The following FGG variants were observed in gnomAD, a reference collection of about 807,000 sequenced individuals.
FGG encodes fibrinogen gamma chain, also known as fibrinogen, gamma polypeptide.
In FGG, 20 loss-of-function variants were observed where a neutral mutation model predicts 51.7. That is an observed-to-expected ratio of 0.39 (90% confidence interval 0.27 to 0.56). The LOEUF (loss-of-function observed/expected upper bound fraction) is 0.56, where lower values mean the gene tolerates loss of function less well. Among genes scored for constraint, FGG ranks in the 20% least tolerant of loss-of-function variants. The pLI, the probability that FGG is intolerant of heterozygous loss-of-function variation, is 0.64. For synonymous variants in FGG, 184 were observed against 184.7 expected, an observed-to-expected ratio of 1.00 and a Z score of 0.03; for missense variants, 460 against 534.2, an observed-to-expected ratio of 0.86 and a Z score of 1.37.
Position 154,610,167 on chromosome 4 carries a change from A to T in FGG, c.432T>A (p.Asn144Lys), listed in dbSNP as rs754844752. 9 of 1,590,298 alleles carry T rather than the reference A, an allele frequency of 5.7e-6. No homozygotes were observed. The South Asian group carries it at 8.8e-5, about 16-fold the overall frequency. ...RYLQEIYNSN[N>K]QKIVNLKEKV... ...TCTCTTTCAGGTTAACAATCTTTTG[A>T]TTATTTGAATTATATATTTCCTGCA... Residue 144 changes from asparagine to lysine, a missense_variant, in exon 5 of 9, where the codon AAT (asparagine) becomes AAA (lysine). By Grantham distance (94) the Asn-to-Lys change is moderately conservative (BLOSUM62 0). Around this residue, in one of 3 missense-constraint regions of FGG, gnomAD observed 353 missense variants for 391.7 expected, o/e 0.90. Transcript: ENST00000336098.
chr4:154,609,287 C>T (rs538733715), intron 6 of FGG, among the ~76,000 whole-genome samples: 4 of 152,176 alleles, frequency 2.6e-5, no homozygotes, highest in African/African-American at 9.6e-5. Context: ...AAAAGAGTTT[C>T]CTTCTTTTTA....
rs1049637 is a variant in FGG at position 154,604,621 on chromosome 4, G to A, written c.*213C>T. The A allele has an allele frequency of 8.3e-4, 1,071 of 1,294,976 alleles. 7 individuals are homozygous for A. In the African/African-American group the frequency reaches 0.014, roughly 16 times the overall value. 80.2% of individuals were successfully genotyped at this position (1,294,976 alleles called of 1,614,324 possible). A position where few individuals can be genotyped will look rare whatever the true frequency, so the allele number is the denominator to read the frequency against. ...TTATTATTATATATTTAGGAACAAA[G>A]TTGAAATGTTATCTCCTCAAATAAA... is the stretch of plus-strand genomic sequence containing the variant. On this transcript the variant is annotated 3_prime_UTR_variant, in exon 9 of 9. Coordinates refer to ENST00000336098, the MANE Select transcript of FGG (RefSeq NM_021870.3).
Position 154,609,734 on chromosome 4 carries a change from T to C in FGG, c.562A>G (p.Lys188Glu). 1.2e-6 allele frequency: 2 copies of C among 1,614,024 alleles called. No homozygotes were observed. The highest frequency in any genetic ancestry group is 1.6e-4 in the Middle Eastern group (1 of 6,062). Reference protein sequence around the residue: ...DCQDIANKGAKQSGLYFIKPL... With the variant: ...DCQDIANKGAEQSGLYFIKPL... ...TTAATAAAGTAAAGCCCGCTCTGTT[T>C]AGCTCCCTTATTGGCAATGTCTTGA... is the stretch of plus-strand genomic sequence containing the variant. The change falls in exon 6 of 9, where the codon AAA becomes GAA. Residue 188 changes from lysine to glutamate, a missense_variant. Around this residue, in one of 3 missense-constraint regions of FGG, gnomAD observed 353 missense variants for 391.7 expected, o/e 0.90. Coordinates refer to ENST00000336098, the MANE Select transcript of FGG (RefSeq NM_021870.3).
At position 154,604,957 on chromosome 4, in the gene FGG, G is replaced by C. The variant is rs1731070776; in HGVS notation, c.1239C>G (p.Ile413Met). The change falls in exon 9 of 9, where the codon ATC (isoleucine) becomes ATG (methionine). Residue 413 changes from isoleucine to methionine, a missense_variant. By Grantham distance (10) the Ile-to-Met change is conservative (BLOSUM62 1). This residue lies in a region of FGG where 92 missense variants were observed against 93.7 expected (regional missense o/e 0.98). Coordinates refer to ENST00000336098, the MANE Select transcript of FGG (RefSeq NM_021870.3). ...CTCCAATTGTGAGTCTGTTGAATGG[G>C]ATTATCTTCATAGTGGTTTTCTTCA... ...YSMKKTTMKI[I>M]PFNRLTIGEG... 2 of 1,614,054 alleles carry C rather than the reference G, an allele frequency of 1.2e-6. No homozygotes were observed. Among genetic ancestry groups the C allele is most frequent in the Middle Eastern group, 1.7e-4 (1 of 6,060 alleles).
intron 8 of FGG, 71 bp from the exon 9 acceptor site, chr4:154,605,137 G>A (rs1006324489): frequency 2.6e-6 from 4 of 1,543,674 alleles, no homozygotes; most frequent in African/African-American, 1.4e-5. Context: ...ATGAAGAGCT[G>A]TCTATTACGA....
In FGG at chr4:154,604,671, A is replaced by C. The variant is rs969408626; in HGVS notation, c.*163T>G. On this transcript the variant is annotated 3_prime_UTR_variant, in exon 9 of 9. Coordinates refer to ENST00000336098, the MANE Select transcript of FGG (RefSeq NM_021870.3). ...ACAATTTTTAAATAACTCTGATATC[A>C]GTAATTTGGAAATACAGTCCTAAAT... 2.8e-6 allele frequency: 4 copies of C among 1,421,918 alleles called. No homozygotes were observed. Among genetic ancestry groups the C allele is most frequent in the Non-Finnish European group, 3.7e-6 (4 of 1,087,964 alleles). The allele number at this position is 1,421,918 out of a possible 1,614,324, so 88.1% of individuals were successfully genotyped here.
In FGG at chr4:154,608,477, A is replaced by G; in HGVS notation, c.840T>C (p.Asn280=). The change falls in exon 7 of 9, where the codon AAT becomes AAC. Residue 280 remains asparagine, a synonymous_variant. Coordinates refer to ENST00000336098, the MANE Select transcript of FGG (RefSeq NM_021870.3). The part of the protein sequence containing the change: ...YALRVELEDW[N]GRTSTADYAM... ...TTTCAAAACAGTACCTGGTTCTGCC[A>G]TTCCAGTCTTCCAGTTCCACTCTTA... is the stretch of plus-strand genomic sequence containing the variant. 6.2e-7 allele frequency: 1 copy of G among 1,613,494 alleles called. No homozygotes were observed.
Position 154,609,661 on chromosome 4 carries a change from C to G in FGG, c.635G>C (p.Gly212Ala). ...QQFLVYCEID[G>A]SGNGWTVFQK... Reference sequence around the variant, plus strand: ...AAACACAGTCCATCCATTTCCAGACCCATCGATTTCACAGTAGACTAAGAA... The same window carrying G: ...AAACACAGTCCATCCATTTCCAGACGCATCGATTTCACAGTAGACTAAGAA... The change falls in exon 6 of 9, where the codon GGG (glycine) becomes GCG (alanine). Residue 212 changes from glycine to alanine, a missense_variant. Coordinates refer to ENST00000336098, the MANE Select transcript of FGG (RefSeq NM_021870.3). 1.2e-6 allele frequency: 2 copies of G among 1,613,924 alleles called. No individual in the cohort carries two copies. Among genetic ancestry groups the G allele is most frequent in the African/African-American group, 1.3e-5 (1 of 75,016 alleles).
rs1441953881 is a variant in FGG at position 154,608,407 on chromosome 4, A to G, written c.851+59T>C. ...TTGCCATTGTCTATTGATAGTTGGA[A>G]AGTGCACATTCCAGGCAATCTTTAC... On this transcript the variant is annotated intron_variant, in intron 7 of 8. Coordinates refer to ENST00000336098, the MANE Select transcript of FGG (RefSeq NM_021870.3). The G allele has an allele frequency of 4.6e-6, 7 of 1,520,560 alleles. No homozygotes were observed. In the African/African-American group the frequency reaches 8.2e-5, roughly 18 times the overall value. The allele number at this position is 1,520,560 out of a possible 1,614,324, so 94.2% of individuals were successfully genotyped here. A position where few individuals can be genotyped will look rare whatever the true frequency, so the allele number is the denominator to read the frequency against.
chr4:154,605,827 C>T (rs1183557065), intron 8 of FGG, among the ~76,000 whole-genome samples: 2 of 152,022 alleles, frequency 1.3e-5, no homozygotes, highest in African/African-American at 2.4e-5. Context: ...TAAGGTTGCT[C>T]ATCTTGGTAG....
At chr4:154,606,616 ATTCT>A in intron 8 of FGG, 85 bp downstream of exon 8, 1 of 1,359,738 alleles carries the variant, frequency 7.4e-7, no homozygotes, top group Admixed American at 2.0e-5. Flanking sequence ...TTTATAAATT[ATTCT>A]TCATTTCTTC....
At chr4:154,609,395 C>T (rs2066871) in intron 6 of FGG, among the ~76,000 whole-genome samples, 73 of 152,192 alleles carry the variant, frequency 4.8e-4, no homozygotes, top group African/African-American at 1.7e-3. Context: ...AACTATACTG[C>T]CTAGGTTCAA....
Position 154,604,327 on chromosome 4 carries a change from T to C in FGG, c.*507A>G, listed in dbSNP as rs1731055787. The C allele has an allele frequency of 1.3e-6, 2 of 1,515,836 alleles. No individual in the cohort carries two copies. Among genetic ancestry groups the C allele is most frequent in the Non-Finnish European group, 1.8e-6 (2 of 1,133,044 alleles). 93.9% of individuals were successfully genotyped at this position (1,515,836 alleles called of 1,614,324 possible). On this transcript the variant is annotated 3_prime_UTR_variant, in exon 9 of 9. Transcript: ENST00000336098. ...AGTCCTTTAAAAAAGTAAATCTCTT[T>C]TGAAACGGTCTTTTAAACGTCTCCA... is the stretch of plus-strand genomic sequence containing the variant.
chr4:154,611,587 T>C, intron 4 of FGG: 3 of 440,810 alleles, frequency 6.8e-6, no homozygotes, highest in Non-Finnish European at 1.2e-5. Flanking sequence ...ATCTAGAACA[T>C]CTTTCTTCAA....
intron 5 of FGG, 26 bp downstream of exon 5, chr4:154,610,041 A>C: frequency 6.2e-7 from 1 of 1,613,504 alleles, no homozygotes; most frequent in Non-Finnish European, 8.5e-7. Context: ...GATGAACCTA[A>C]TCCCAATATA....
Position 154,604,643 on chromosome 4 carries a change from TA to T in FGG, c.*190del. ...AAAGTTGAAATGTTATCTCCTCAAA[TA>T]AACAATTTTTAAATAACTCTGATAT... On this transcript the variant is annotated 3_prime_UTR_variant, in exon 9 of 9. Transcript: ENST00000336098. The T allele has an allele frequency of 5.9e-6, 8 of 1,366,994 alleles. No individual in the cohort carries two copies. The highest frequency in any genetic ancestry group is 5.7e-6 in the Non-Finnish European group (6 of 1,049,454). 84.7% of individuals were successfully genotyped at this position (1,366,994 alleles called of 1,614,324 possible). A position where few individuals can be genotyped will look rare whatever the true frequency, so the allele number is the denominator to read the frequency against.
At chr4:154,607,027 G>A in intron 7 of FGG, 45 bp from the exon 8 acceptor site, 1 of 1,512,364 alleles carries the variant, frequency 6.6e-7, no homozygotes, top group Non-Finnish European at 8.8e-7. Context: ...CCCTCCTCAG[G>A]GATCTCAGAA....
intron 7 of FGG, among the ~76,000 whole-genome samples, chr4:154,607,429 T>C (rs534714266): frequency 2.6e-5 from 4 of 152,322 alleles, no homozygotes; most frequent in African/African-American, 9.6e-5. Flanking sequence ...TAGCCACTCA[T>C]AGCACCTGAA....
chr4:154,607,733 T>C (rs1261908016), intron 7 of FGG, among the ~76,000 whole-genome samples: 1 of 152,210 alleles, frequency 6.6e-6, no homozygotes. Flanking sequence ...GAAGGTCTAC[T>C]GACTATAGCA....
Sources: allele counts gnomAD v4.1 joint callset (sites outside exome capture counted in the v4.1 genomes callset), GRCh38; gene constraint gnomAD v4.1.1; regional missense constraint gnomAD v4.1.1; transcripts MANE v1.5; gene names NCBI Gene and HGNC (gene_info 2026-07-23, HGNC 2026-07-21).